Variants in CNTN5 observed in about 807,000 individuals in gnomAD.
The protein encoded by CNTN5 is contactin-5.
Under a neutral mutation model 129.1 loss-of-function variants are expected in CNTN5, and 77 were observed. The ratio of observed to expected loss-of-function variants is 0.60; its 90% CI spans 0.50 to 0.72. The LOEUF (loss-of-function observed/expected upper bound fraction) is 0.72, where lower values mean the gene tolerates loss of function less well. Ranked by LOEUF, CNTN5 falls within the 30% of genes least tolerant of loss-of-function variation. CNTN5 has a pLI of 0.00. For missense variants in CNTN5, 1,478 were observed against 1,328.8 expected, an observed-to-expected ratio of 1.11 and a Z score of -1.75; for synonymous variants, 509 against 465.6, an observed-to-expected ratio of 1.09 and a Z score of -1.20.
At chr11:100,245,549 TA>T (rs1385990196) in intron 16 of CNTN5, among the ~76,000 whole-genome samples, 1 of 151,912 alleles carries the variant, frequency 6.6e-6, no homozygotes. Context: ...CTGAGACAAG[TA>T]GAGTGAATAT....
At chr11:99,848,068 G>A (rs985607675) in intron 6 of CNTN5, among the ~76,000 whole-genome samples, 7 of 151,990 alleles carry the variant, frequency 4.6e-5, no homozygotes, top group Non-Finnish European at 1.0e-4. Flanking sequence ...AAAATTAGCC[G>A]GGCCTGGTGG....
chr11:99,739,660 A>G (rs1484704732), intron 3 of CNTN5, among the ~76,000 whole-genome samples: 1 of 152,136 alleles, frequency 6.6e-6, no homozygotes, highest in Non-Finnish European at 1.5e-5. Context: ...TGATTATACA[A>G]CAGTGCCCCC....
intron 3 of CNTN5, among the ~76,000 whole-genome samples, chr11:99,718,313 C>T (rs1325521267): frequency 6.6e-6 from 1 of 152,094 alleles, no homozygotes; most frequent in Non-Finnish European, 1.5e-5. Flanking sequence ...ATTAAAAATG[C>T]ACTTTTTGAC....
intron 1 of CNTN5, among the ~76,000 whole-genome samples, chr11:99,107,269 C>G (rs749155037): frequency 3.9e-5 from 6 of 152,070 alleles, no homozygotes; most frequent in Non-Finnish European, 8.8e-5. Context: ...TACATACATA[C>G]ATACGTAAGT....
At chr11:99,455,940 A>T (rs533672245) in intron 2 of CNTN5, among the ~76,000 whole-genome samples, 1 of 152,160 alleles carries the variant, frequency 6.6e-6, no homozygotes. Flanking sequence ...CCCAAAGGAT[A>T]GTTGTGGCTC....
intron 10 of CNTN5, among the ~76,000 whole-genome samples, chr11:100,066,460 A>C (rs1323843122): frequency 2.0e-5 from 3 of 152,134 alleles, no homozygotes; most frequent in Non-Finnish European, 4.4e-5. Context: ...CAGAATTTCT[A>C]ATGACAAGAG....
At chr11:99,827,677 T>C (rs549633628) in intron 4 of CNTN5, among the ~76,000 whole-genome samples, 1 of 152,178 alleles carries the variant, frequency 6.6e-6, no homozygotes, top group Non-Finnish European at 1.5e-5. Context: ...ACACATAGCT[T>C]TGTTTCCAAT....
intron 3 of CNTN5, among the ~76,000 whole-genome samples, chr11:99,686,762 A>G (rs1953812539): frequency 6.6e-6 from 1 of 152,126 alleles, no homozygotes; most frequent in Admixed American, 6.6e-5. Flanking sequence ...AGTAATGGAG[A>G]GCTTGTGGAC....
chr11:100,157,545 A>C (rs1482617859), intron 13 of CNTN5, among the ~76,000 whole-genome samples: 2 of 151,718 alleles, frequency 1.3e-5, no homozygotes, highest in African/African-American at 4.8e-5. Flanking sequence ...ACAGTGTTTT[A>C]GTATTGGTCA....
At chr11:99,999,008 A>C (rs1275461554) in intron 8 of CNTN5, among the ~76,000 whole-genome samples, 2 of 152,186 alleles carry the variant, frequency 1.3e-5, no homozygotes, top group Admixed American at 6.5e-5. Flanking sequence ...AATTAATTCA[A>C]GATGGAATAA....
chr11:100,246,732 T>A (rs1297091373), intron 16 of CNTN5, among the ~76,000 whole-genome samples: 1 of 152,208 alleles, frequency 6.6e-6, no homozygotes, highest in Non-Finnish European at 1.5e-5. Flanking sequence ...AATAATGCTG[T>A]AATTTTGTAA....
chr11:99,166,488 A>C (rs61891517), intron 1 of CNTN5, among the ~76,000 whole-genome samples: 36 of 152,032 alleles, frequency 2.4e-4, no homozygotes, highest in Non-Finnish European at 4.4e-4. Context: ...TAAGCCTCTC[A>C]GGAAAGGAGT....
intron 1 of CNTN5, among the ~76,000 whole-genome samples, chr11:99,261,622 T>C (rs1165195409): frequency 2.0e-5 from 3 of 152,190 alleles, no homozygotes; most frequent in Middle Eastern, 3.4e-3. Context: ...TGAAGTGATA[T>C]TCCCTTGGGG....
intron 2 of CNTN5, among the ~76,000 whole-genome samples, chr11:99,365,020 A>G (rs1297566128): frequency 6.6e-6 from 1 of 152,122 alleles, no homozygotes; most frequent in Non-Finnish European, 1.5e-5. Context: ...CTTAGGTGCA[A>G]TGGAATAAAA....
chr11:100,342,859 C>T (rs1249506480), intron 23 of CNTN5, among the ~76,000 whole-genome samples: 1 of 152,102 alleles, frequency 6.6e-6, no homozygotes, highest in Non-Finnish European at 1.5e-5. Flanking sequence ...TCACTGGCCA[C>T]TGATTCAGAC....
At chr11:99,945,864 AT>A (rs1173112040) in intron 7 of CNTN5, among the ~76,000 whole-genome samples, 1 of 151,950 alleles carries the variant, frequency 6.6e-6, no homozygotes, top group Non-Finnish European at 1.5e-5. Flanking sequence ...CTTAATACAC[AT>A]TTCATGTCAC....
intron 21 of CNTN5, among the ~76,000 whole-genome samples, chr11:100,323,894 T>A (rs1292427366): frequency 6.6e-6 from 1 of 152,138 alleles, no homozygotes; most frequent in East Asian, 1.9e-4. Flanking sequence ...AGGCTATACA[T>A]CTCCAAAATT....
At chr11:99,297,249 G>T (rs545182838) in intron 1 of CNTN5, among the ~76,000 whole-genome samples, 1 of 152,306 alleles carries the variant, frequency 6.6e-6, no homozygotes, top group Non-Finnish European at 1.5e-5. Flanking sequence ...GATCAGGGAA[G>T]CCAGAGAAAG....
intron 3 of CNTN5, among the ~76,000 whole-genome samples, chr11:99,684,358 G>T (rs752473949): frequency 6.6e-6 from 1 of 151,736 alleles, no homozygotes; most frequent in Non-Finnish European, 1.5e-5. Flanking sequence ...AATAATATGG[G>T]TTATTGAATA....
Sources: gnomAD v4.1 joint callset for allele counts (sites outside exome capture counted in the v4.1 genomes callset) on GRCh38, gnomAD v4.1.1 for gene constraint, MANE v1.5 for transcripts, NCBI Gene and HGNC (gene_info 2026-07-23, HGNC 2026-07-21) for gene names.